GGCX: variants seen among roughly 807,000 people sequenced by gnomAD.
GGCX encodes the protein vitamin K-dependent gamma-carboxylase.
Under a neutral mutation model 88.5 loss-of-function variants are expected in GGCX, and 63 were observed. The observed-to-expected ratio is 0.71, with a 90% confidence interval of 0.58 to 0.88. The LOEUF is 0.88. Among genes scored for constraint, GGCX ranks in the 40% least tolerant of loss-of-function variants. The pLI, the probability that GGCX is intolerant of heterozygous loss-of-function variation, is 0.00. For synonymous variants in GGCX, 368 were observed against 365.8 expected (o/e 1.01, Z -0.07); for missense variants, 805 against 932.9 (o/e 0.86, Z 1.79).
rs1159177522 is a variant in GGCX, at chr2:85,549,768, C to T, written c.*166G>A. 3 of 635,752 alleles carry T rather than the reference C, an allele frequency of 4.7e-6. No individual in the cohort carries two copies. Among genetic ancestry groups the T allele is most frequent in the African/African-American group, 1.8e-5 (1 of 54,060 alleles). The allele number at this position is 635,752 out of a possible 1,614,324, so 39.4% of individuals were successfully genotyped here. ...TGTTAAATCTTATTTGCTTTATTTCCTTGGTTCCTCTAAGTTGTAATCTCG... is the reference window on the plus strand; with the variant it reads ...TGTTAAATCTTATTTGCTTTATTTCTTTGGTTCCTCTAAGTTGTAATCTCG... On this transcript the variant is annotated 3_prime_UTR_variant, in exon 15 of 15. Transcript: ENST00000233838.
At chr2:85,561,340 AG>A (rs755976196) in intron 1 of GGCX, 45 bp downstream of exon 1, 78 of 1,122,866 alleles carry the variant, frequency 6.9e-5, no homozygotes, top group Non-Finnish European at 8.8e-5. Context: ...CTCTGAGACC[AG>A]CGCTCCTAGG....
Position 85,555,569 on chromosome 2 carries a change from C to T in GGCX, c.640G>A (p.Ala214Thr). The T allele has an allele frequency of 6.3e-7, 1 of 1,578,500 alleles. No individual in the cohort carries two copies. Among genetic ancestry groups the T allele is most frequent in the African/African-American group, 1.3e-5 (1 of 74,342 alleles). The part of the protein sequence containing the change: ...RGQIFIVYFI[A>T]GVKKLDADWV... ...TCTGCATCCAGCTTTTTCACACCCG[C>T]AATGAAGTACACAATGAAGATCTGA... The change falls in exon 6 of 15, where the codon GCG (alanine) becomes ACG (threonine). Residue 214 changes from alanine to threonine, a missense_variant. By Grantham distance (58) the Ala-to-Thr change is moderately conservative. Coordinates refer to ENST00000233838, the MANE Select transcript of GGCX (RefSeq NM_000821.7).
In GGCX at chr2:85,549,691, G is replaced by A; in HGVS notation, c.*243C>T. On this transcript the variant is annotated 3_prime_UTR_variant, in exon 15 of 15. Coordinates refer to ENST00000233838, the MANE Select transcript of GGCX (RefSeq NM_000821.7). ...AAAGCCACTTTAAACCTTATCCTAG[G>A]AGGACAGTTTCACATTGCGTCTAAC... 2.0e-6 allele frequency: 1 copy of A among 505,674 alleles called. No homozygotes were observed. The highest frequency in any genetic ancestry group is 2.1e-5 in the South Asian group (1 of 47,996). The allele number at this position is 505,674 out of a possible 1,614,324, so 31.3% of individuals were successfully genotyped here.
chr2:85,548,849 TCC>T lies in GGCX; in HGVS notation c.*1083_*1084del, dbSNP rs1486296272. 1 of 152,148 alleles carries T rather than the reference TCC, an allele frequency of 6.6e-6. No homozygotes were observed. The highest frequency in any genetic ancestry group is 1.9e-4 in the East Asian group (1 of 5,202). 9.4% of individuals were successfully genotyped at this position (152,148 alleles called of 1,614,324 possible). On this transcript the variant is annotated 3_prime_UTR_variant, in exon 15 of 15. Transcript: ENST00000233838. ...AAATTTAGTTAATTCTTACTTTACCTCCCCTTCTGCTCACCAAAGGCTAGAAT... is the reference window on the plus strand; with the variant it reads ...AAATTTAGTTAATTCTTACTTTACCTCCTTCTGCTCACCAAAGGCTAGAAT...
In GGCX at chr2:85,552,500, C is replaced by G. The variant is rs144429522; in HGVS notation, c.1355G>C (p.Ser452Thr). ...DMLKQYATCL[S>T]RLLPKYNVTE... ...GACATTATACTTGGGAAGCAGGCGG[C>G]TCAGGCAAGTGGCATATTGCTTCAG... Residue 452 changes from serine to threonine, a missense_variant, in exon 10 of 15, where the codon AGC becomes ACC. Coordinates refer to ENST00000233838, the MANE Select transcript of GGCX (RefSeq NM_000821.7). 644 of 1,613,870 alleles carry G rather than the reference C, an allele frequency of 4.0e-4. No homozygotes were observed. Among genetic ancestry groups the G allele is most frequent in the Non-Finnish European group, 5.1e-4 (607 of 1,179,792 alleles).
At chr2:85,557,122 C>A (rs937446903) in intron 4 of GGCX, among the ~76,000 whole-genome samples, 1 of 152,058 alleles carries the variant, frequency 6.6e-6, no homozygotes, top group South Asian at 2.1e-4. Flanking sequence ...CAGAGCAAGA[C>A]CCTGACTCCA....
At position 85,547,739 on chromosome 2, in the gene GGCX, T is replaced by TATA. The variant is rs1691745817; in HGVS notation, c.*2192_*2194dup. 6.6e-6 allele frequency: 1 copy of TATA among 152,200 alleles called. No homozygotes were observed. The highest frequency in any genetic ancestry group is 1.5e-5 in the Non-Finnish European group (1 of 68,044). 9.4% of individuals were successfully genotyped at this position (152,200 alleles called of 1,614,324 possible). On this transcript the variant is annotated 3_prime_UTR_variant, in exon 15 of 15. Transcript: ENST00000233838. ...CTGTGCCACAGCCATTGCTTGCCCA[T>TATA]ATAATACCTTGAATGAATTAGAGAT...
intron 11 of GGCX, 31 bp downstream of exon 11, chr2:85,551,779 GAC>G: frequency 6.2e-7 from 1 of 1,604,806 alleles, no homozygotes; most frequent in Non-Finnish European, 8.5e-7. Flanking sequence ...CAGAAGGAAA[GAC>G]AGAAAAGCCT....
rs777098543 is a variant in GGCX, at chr2:85,550,118, A to C, written c.2093T>G (p.Met698Arg). 1 of 1,613,206 alleles carries C rather than the reference A, an allele frequency of 6.2e-7. No individual in the cohort carries two copies. Among genetic ancestry groups the C allele is most frequent in the Non-Finnish European group, 8.5e-7 (1 of 1,179,150 alleles). Residue 698 changes from methionine to arginine, a missense_variant, in exon 15 of 15, where the codon ATG becomes AGG. Transcript: ENST00000233838. ...CAGATTTCGAAGTGAGATACAAGTC[A>C]TCAGGAAGCTGAAAAACAGGAAAAA... is the stretch of plus-strand genomic sequence containing the variant. Reference protein sequence around the residue: ...KLYVFRRSFLMTCISLRNLIL... With the variant: ...KLYVFRRSFLRTCISLRNLIL...
chr2:85,553,589 T>G (rs1692075020), intron 7 of GGCX, 92 bp from the exon 8 acceptor site: 1 of 1,255,680 alleles, frequency 8.0e-7, no homozygotes, highest in South Asian at 1.2e-5. Flanking sequence ...GGTGTTCCAC[T>G]GAAAAGGAAA....
rs932581248 is a variant in GGCX at position 85,544,912 on chromosome 2, T to C, written c.*5022A>G. On this transcript the variant is annotated 3_prime_UTR_variant, in exon 15 of 15. Coordinates refer to ENST00000233838, the MANE Select transcript of GGCX (RefSeq NM_000821.7). ...GTATGGCGTAAGTACAGAGAAGCCA[T>C]CACCTCAGATGGCAGCTTTTAAAAG... 2.6e-5 allele frequency: 4 copies of C among 152,584 alleles called. No homozygotes were observed. Among genetic ancestry groups the C allele is most frequent in the Admixed American group, 6.5e-5 (1 of 15,276 alleles). The allele number at this position is 152,584 out of a possible 1,614,324, so 9.5% of individuals were successfully genotyped here.
rs1351707234 is a variant in GGCX, at chr2:85,552,404, C to T, written c.1439+12G>A. ...GCTTCATTTTTTCCCACTCTCTGCT[C>T]CCCTTGCCCACCTCTGCTGGAAGCG... On this transcript the variant is annotated intron_variant, in intron 10 of 14. Transcript: ENST00000233838. 3 of 1,612,486 alleles carry T rather than the reference C, an allele frequency of 1.9e-6. No individual in the cohort carries two copies. Among genetic ancestry groups the T allele is most frequent in the African/African-American group, 2.7e-5 (2 of 74,862 alleles).
chr2:85,550,809 A>C (rs1691911923), intron 13 of GGCX, 59 bp from the exon 14 acceptor site: 1 of 1,587,836 alleles, frequency 6.3e-7, no homozygotes, highest in South Asian at 1.1e-5. Flanking sequence ...TCCCCTTAGA[A>C]CTCCTCTTCT....
chr2:85,550,245 TCCC>T (rs1691872753), intron 14 of GGCX, 119 bp from the exon 15 acceptor site: 2 of 754,616 alleles, frequency 2.7e-6, no homozygotes, highest in Non-Finnish European at 4.6e-6. Context: ...TATGGGAATC[TCCC>T]CCCAAGTGAC....
rs772101178 is a variant in GGCX, at chr2:85,550,976, G to A, written c.1837C>T (p.Gln613Ter). 5 of 1,613,996 alleles carry A rather than the reference G, an allele frequency of 3.1e-6. No individual in the cohort carries two copies. The highest frequency in any genetic ancestry group is 4.2e-6 in the Non-Finnish European group (5 of 1,179,844). The part of the protein sequence containing the change: ...YVNTTELALE[Q>*]DLAYLQELKE... ...AATTCTTGCAGATATGCCAGGTCTT[G>A]CTCCAGTGCAAGCTCTGTAGTGTTG... The change falls in exon 13 of 15, where the codon CAA becomes TAA. Residue 613 changes from glutamine (Q) to a stop codon, truncating the protein, a stop_gained. Transcript: ENST00000233838. LOFTEE classifies it high-confidence loss of function.
At position 85,551,922 on chromosome 2, in the gene GGCX, G is replaced by A. The variant is rs1368913205; in HGVS notation, c.1499C>T (p.Ser500Phe). The A allele has an allele frequency of 6.2e-7, 1 of 1,613,586 alleles. No individual in the cohort carries two copies. Among genetic ancestry groups the A allele is most frequent in the African/African-American group, 1.3e-5 (1 of 75,030 alleles). Reference sequence around the variant, plus strand: ...GTCCATCAAGAGTGGTTGCACCCAGGATGTGCGCTGAAAGGGTGACCAAGC... The same window carrying A: ...GTCCATCAAGAGTGGTTGCACCCAGAATGTGCGCTGAAAGGGTGACCAAGC... Reference protein sequence around the residue: ...QAAWSPFQRTSWVQPLLMDLS... With the variant: ...QAAWSPFQRTFWVQPLLMDLS... The change falls in exon 11 of 15, where the codon TCC becomes TTC. Residue 500 changes from serine to phenylalanine, a missense_variant. Transcript: ENST00000233838.
intron 1 of GGCX, 56 bp downstream of exon 1, chr2:85,561,330 C>A: frequency 8.2e-7 from 1 of 1,220,558 alleles, no homozygotes; most frequent in East Asian, 2.5e-5. Flanking sequence ...GCCCCCGCCC[C>A]TCTGAGACCA....
At position 85,549,913 on chromosome 2, in the gene GGCX, G is replaced by T; in HGVS notation, c.*21C>A. On this transcript the variant is annotated 3_prime_UTR_variant, in exon 15 of 15. Coordinates refer to ENST00000233838, the MANE Select transcript of GGCX (RefSeq NM_000821.7). ...TCTGTGACTGGCTGCTTCTACATCT[G>T]CACCCAACATCTGGCCCCCTTCAGA... The T allele has an allele frequency of 1.3e-6, 2 of 1,549,918 alleles. No homozygotes were observed. The highest frequency in any genetic ancestry group is 1.7e-4 in the Middle Eastern group (1 of 5,934).
Position 85,547,618 on chromosome 2 carries a change from A to G in GGCX, c.*2316T>C, listed in dbSNP as rs1691740512. ...TGAGTTTGGCAAACAACATAGTGGC[A>G]AAGTATCTTCTATTGTGTTACTATG... On this transcript the variant is annotated 3_prime_UTR_variant, in exon 15 of 15. Coordinates refer to ENST00000233838, the MANE Select transcript of GGCX (RefSeq NM_000821.7). The G allele has an allele frequency of 6.6e-6, 1 of 152,238 alleles. No individual in the cohort carries two copies. The highest frequency in any genetic ancestry group is 1.5e-5 in the Non-Finnish European group (1 of 68,036). 9.4% of individuals were successfully genotyped at this position (152,238 alleles called of 1,614,324 possible). A position where few individuals can be genotyped will look rare whatever the true frequency, so the allele number is the denominator to read the frequency against.
Sources: allele counts gnomAD v4.1 joint callset (sites outside exome capture counted in the v4.1 genomes callset), GRCh38; gene constraint gnomAD v4.1.1; transcripts MANE v1.5; gene names NCBI Gene and HGNC (gene_info 2026-07-23, HGNC 2026-07-21).